Variants in NLRP5 observed in about 807,000 individuals in gnomAD.
NLRP5 encodes the protein NLR family pyrin domain containing 5.
Under a neutral mutation model 113.1 loss-of-function variants are expected in NLRP5, and 93 were observed. The observed-to-expected ratio is 0.82, with a 90% confidence interval of 0.70 to 0.98. NLRP5 has a LOEUF of 0.98. Ranked by LOEUF, NLRP5 falls within the 50% of genes least tolerant of loss-of-function variation. The pLI is 0.00. For synonymous variants in NLRP5, 751 were observed against 600.7 expected (o/e 1.25, Z -3.66); for missense variants, 1,808 against 1,514.3 (o/e 1.19, Z -3.22).
At chr19:56,061,303 T>G (rs1017289786) in intron 14 of NLRP5, 93 bp from the exon 15 acceptor site, 5 of 1,413,664 alleles carry the variant, frequency 3.5e-6, no homozygotes, top group Non-Finnish European at 4.8e-6. Flanking sequence ...AAGAAAAGGT[T>G]TGAGATCCTT....
intron 9 of NLRP5, 126 bp from the exon 10 acceptor site, chr19:56,037,899 G>A (rs1055600400): frequency 2.1e-5 from 19 of 916,932 alleles, no homozygotes; most frequent in Middle Eastern, 3.5e-4. Flanking sequence ...CTCAGGCCCG[G>A]AGGCAGGAGC....
At chr19:56,019,300 A>G (rs773613979) in intron 4 of NLRP5, 42 bp from the exon 5 acceptor site, 1 of 1,611,802 alleles carries the variant, frequency 6.2e-7, no homozygotes, top group Admixed American at 1.7e-5. Flanking sequence ...TCTGACTCAA[A>G]TAATAAACAC....
intron 6 of NLRP5, among the ~76,000 whole-genome samples, chr19:56,024,634 T>A (rs1296138188): frequency 1.3e-5 from 2 of 151,064 alleles, no homozygotes; most frequent in Non-Finnish European, 2.9e-5. Context: ...GGCAGGCACC[T>A]GTAATCCCAG....
chr19:56,033,586 G>T lies in NLRP5; in HGVS notation c.2492G>T (p.Arg831Ile). The T allele has an allele frequency of 6.2e-7, 1 of 1,613,866 alleles. No homozygotes were observed. Among genetic ancestry groups the T allele is most frequent in the Non-Finnish European group, 8.5e-7 (1 of 1,179,798 alleles). The stretch of plus-strand genomic sequence containing the variant: ...ACCCCTGGTGTGCAGCACCTCTGGA[G>T]AATCGTCATGGCCAACCGTAACCTA... The change falls in exon 9 of 15, where the codon AGA becomes ATA. Residue 831 changes from arginine to isoleucine, a missense_variant. Arg to Ile is a moderately conservative substitution (Grantham distance 97). Transcript: ENST00000390649.
intron 11 of NLRP5, 89 bp downstream of exon 11, chr19:56,041,181 G>T (rs568592527): frequency 1.5e-5 from 19 of 1,289,772 alleles, no homozygotes; most frequent in African/African-American, 4.4e-5. Flanking sequence ...TGGGGAGGGG[G>T]TGTGGACATC....
intron 2 of NLRP5, among the ~76,000 whole-genome samples, chr19:56,007,761 G>C (rs1981980112): frequency 6.9e-6 from 1 of 145,574 alleles, no homozygotes; most frequent in African/African-American, 2.7e-5. Flanking sequence ...AGGGAGACGA[G>C]TTTGAGGTCT....
chr19:55,995,172 A>G (rs1253312005), upstream of NLRP5, among the ~76,000 whole-genome samples: 1 of 152,084 alleles, frequency 6.6e-6, no homozygotes, highest in African/African-American at 2.4e-5. Flanking sequence ...GAACACTTGG[A>G]CACAGGGTGG....
At chr19:56,032,567 A>T (rs377595379) in intron 7 of NLRP5, 44 bp from the exon 8 acceptor site, 1 of 1,571,820 alleles carries the variant, frequency 6.4e-7, no homozygotes, top group African/African-American at 1.3e-5. Context: ...TGCTCATGTT[A>T]AACTCCATCC....
chr19:56,044,003 C>T (rs183450840), intron 11 of NLRP5, among the ~76,000 whole-genome samples: 140 of 144,832 alleles, frequency 9.7e-4, no homozygotes, highest in Middle Eastern at 3.6e-3. Context: ...GCCAATGTCT[C>T]GAAGGGTTTT....
the NLRP5 span, among the ~76,000 whole-genome samples, chr19:55,992,674 G>A: frequency 6.6e-6 from 1 of 152,114 alleles, no homozygotes; most frequent in Non-Finnish European, 1.5e-5. Flanking sequence ...ATTGTCTACA[G>A]CTACTTTCCC....
chr19:55,998,702 A>C (rs592141), upstream of NLRP5, among the ~76,000 whole-genome samples: 1 of 73,772 alleles, frequency 1.4e-5, no homozygotes. Flanking sequence ...ATATATATAT[A>C]TGTGTGTGTG....
At chr19:55,998,184 C>A (rs1325296264), upstream of NLRP5, among the ~76,000 whole-genome samples, 1 of 151,976 alleles carries the variant, frequency 6.6e-6, no homozygotes, top group Non-Finnish European at 1.5e-5. Context: ...GAATTTCAGA[C>A]ATTCTAAAAT....
intron 3 of NLRP5, among the ~76,000 whole-genome samples, chr19:56,014,492 A>G (rs1982331400): frequency 6.6e-6 from 1 of 152,190 alleles, no homozygotes; most frequent in Non-Finnish European, 1.5e-5. Flanking sequence ...AAAAAAAAAA[A>G]AAAATTGCTT....
intron 7 of NLRP5, among the ~76,000 whole-genome samples, chr19:56,031,915 C>T (rs1158291243): frequency 1.3e-5 from 2 of 152,142 alleles, no homozygotes; most frequent in African/African-American, 2.4e-5. Context: ...TCAGTTCTTC[C>T]GGGTATACAC....
intron 11 of NLRP5, among the ~76,000 whole-genome samples, chr19:56,049,897 T>TG (rs1028225150): frequency 2.0e-5 from 3 of 152,090 alleles, no homozygotes; most frequent in African/African-American, 4.8e-5. Context: ...AGTGTGATTT[T>TG]GGGGGGATGT....
intron 6 of NLRP5, among the ~76,000 whole-genome samples, chr19:56,024,507 GTATATGTGTATGTA>G (rs947239468): frequency 2.3e-5 from 2 of 85,192 alleles, no homozygotes; most frequent in African/African-American, 9.8e-5. Context: ...ATATGTATAT[GTATATGTGTATGTA>G]TATGTATACA....
chr19:56,054,425 G>A (rs1984050225), intron 13 of NLRP5, among the ~76,000 whole-genome samples: 1 of 152,086 alleles, frequency 6.6e-6, no homozygotes, highest in African/African-American at 2.4e-5. Flanking sequence ...AGGTGTGGTG[G>A]CGCATGCTTG....
chr19:56,048,548 CA>C (rs74179659), intron 11 of NLRP5, among the ~76,000 whole-genome samples: 100,335 of 151,494 alleles, frequency 0.66, 33,811 homozygotes, highest in Non-Finnish European at 0.7. Flanking sequence ...ACAAGGGCCC[CA>C]AATCCCTTCT....
At chr19:56,060,293 GTTTA>G (rs74423551) in intron 14 of NLRP5, among the ~76,000 whole-genome samples, 4,991 of 152,176 alleles carry the variant, frequency 0.033, 105 homozygotes, top group Non-Finnish European at 0.05. Flanking sequence ...ATTTAAATAT[GTTTA>G]TTTCTCCTCT....
Sources: gnomAD v4.1 joint callset for allele counts (sites outside exome capture counted in the v4.1 genomes callset) on GRCh38, gnomAD v4.1.1 for gene constraint, MANE v1.5 for transcripts, NCBI Gene and HGNC (gene_info 2026-07-23, HGNC 2026-07-21) for gene names.